TAF5L: variants seen among roughly 807,000 people sequenced by gnomAD.
The protein encoded by TAF5L is TATA-box binding protein associated factor 5 like.
A neutral mutation model predicts 51.3 loss-of-function variants in TAF5L; 7 were observed. The observed-to-expected ratio is 0.14, with a 90% CI of 0.08 to 0.26. The LOEUF (loss-of-function observed/expected upper bound fraction) is 0.26, where lower values mean the gene tolerates loss of function less well. Among genes scored for constraint, TAF5L ranks in the 10% least tolerant of loss-of-function variants. TAF5L has a pLI of 1.00. For synonymous variants in TAF5L, 291 were observed against 308.1 expected (o/e 0.94, Z 0.58); for missense variants, 575 against 758.9 (o/e 0.76, Z 2.85).
exon 2 of TAF5L, chr1:229,614,400 G>A (rs778008907): frequency 6.2e-7 from 1 of 1,614,188 alleles, no homozygotes; most frequent in South Asian, 1.1e-5. Context: ...TTGCTTCAGG[G>A]GACCATCTGA....
At chr1:229,601,558 C>T (rs1268212454) in intron 4 of TAF5L, 14 of 985,566 alleles carry the variant, frequency 1.4e-5, no homozygotes, top group African/African-American at 1.7e-5. Flanking sequence ...ACAAGCCAAA[C>T]AAGATTGAAC....
chr1:229,622,097 A>ATG (rs1479957948), intron 1 of TAF5L, among the ~76,000 whole-genome samples: 1 of 152,096 alleles, frequency 6.6e-6, no homozygotes, highest in Non-Finnish European at 1.5e-5. Flanking sequence ...ATATACAGAT[A>ATG]TGTGTGTGTA....
At chr1:229,608,154 T>G (rs2102754055) in intron 3 of TAF5L, among the ~76,000 whole-genome samples, 1 of 152,324 alleles carries the variant, frequency 6.6e-6, no homozygotes. Flanking sequence ...TTATCCTAGT[T>G]TTACCTGGCC....
At chr1:229,614,730 T>TA (rs1335069073) in intron 1 of TAF5L, among the ~76,000 whole-genome samples, 1 of 152,156 alleles carries the variant, frequency 6.6e-6, no homozygotes, top group African/African-American at 2.4e-5. Flanking sequence ...GCATCGATAA[T>TA]AAAGTCCTTA....
At position 229,620,401 on chromosome 1, in the gene TAF5L, C is replaced by A. The variant is rs12081882; in HGVS notation, c.-4+5484G>T. Among the ~76,000 whole-genome samples, 875 of 152,350 alleles carry A rather than the reference C, an allele frequency of 5.7e-3. 6 individuals are homozygous for A. Among genetic ancestry groups the A allele is most frequent in the African/African-American group, 0.02 (828 of 41,580 alleles). ...ACTGGACTATTCCAATATTCTTCCA[C>A]CTTTAGGCCCTCCTCATATGGCCCT... On this transcript the variant is annotated intron_variant, in intron 1 of 4. Coordinates refer to ENST00000258281, the Ensembl canonical transcript of TAF5L.
At chr1:229,606,743 A>G in intron 3 of TAF5L, 1 of 985,420 alleles carries the variant, frequency 1.0e-6, no homozygotes, top group Non-Finnish European at 1.2e-6. Context: ...GATCATGTTT[A>G]AGAGTCACAG....
chr1:229,624,543 TG>T (rs1485223938), intron 1 of TAF5L, among the ~76,000 whole-genome samples: 1 of 152,130 alleles, frequency 6.6e-6, no homozygotes, highest in Non-Finnish European at 1.5e-5. Flanking sequence ...TTTGGGAGGC[TG>T]AGGCGGGAGG....
intron 4 of TAF5L, chr1:229,600,623 A>G (rs1664337598): frequency 1.0e-6 from 1 of 985,312 alleles, no homozygotes. Context: ...GTGTCACTAC[A>G]TCACTTCCTG....
In TAF5L at chr1:229,620,512, C is replaced by G. The variant is rs537538044; in HGVS notation, c.-4+5373G>C. On this transcript the variant is annotated intron_variant, in intron 1 of 4. Coordinates refer to ENST00000258281, the Ensembl canonical transcript of TAF5L. ...CCAACCCTCATGCAGGTTGTCCCCTCTTGCCATCACTCTTCCTCAGTTCCC... is the reference window on the plus strand; with the variant it reads ...CCAACCCTCATGCAGGTTGTCCCCTGTTGCCATCACTCTTCCTCAGTTCCC... Among the ~76,000 whole-genome samples, 82 of 152,352 alleles carry G rather than the reference C, an allele frequency of 5.4e-4. 1 individual carries two copies. In the South Asian group the frequency reaches 0.016, roughly 29 times the overall value.
At chr1:229,620,357 C>A (rs768578) in intron 1 of TAF5L, among the ~76,000 whole-genome samples, 20,586 of 152,204 alleles carry the variant, frequency 0.14, 2,127 homozygotes, top group East Asian at 0.42. Context: ...CTATGCCCGA[C>A]TCTACAAATC....
In TAF5L at chr1:229,594,248, C is replaced by T. The variant is rs1664028624; in HGVS notation, c.*49G>A. ...ATCTCAGCTCATTGAAGGATTGCAA[C>T]TGGAGGCTTTCCACTGTTACCCCAG... On this transcript the variant is annotated 3_prime_UTR_variant, in exon 5 of 5. Coordinates refer to ENST00000258281, the Ensembl canonical transcript of TAF5L. This position sits in a 1 kb window ranked among gnomAD's most constrained non-coding sequence, Gnocchi z 7.9. The T allele has an allele frequency of 6.5e-7, 1 of 1,547,974 alleles. No homozygotes were observed. Among genetic ancestry groups the T allele is most frequent in the Non-Finnish European group, 8.8e-7 (1 of 1,142,184 alleles).
At chr1:229,624,121 A>T (rs1052563741) in intron 1 of TAF5L, among the ~76,000 whole-genome samples, 7 of 152,340 alleles carry the variant, frequency 4.6e-5, no homozygotes, top group African/African-American at 1.4e-4. Context: ...TTCTTTCCCC[A>T]GAGATGTCCT....
At chr1:229,599,140 CAAAGGTTAACCTAG>C in intron 4 of TAF5L, 1 of 569,608 alleles carries the variant, frequency 1.8e-6, no homozygotes, top group Non-Finnish European at 2.2e-6. Flanking sequence ...AACACCTTTC[CAAAGGTTAACCTAG>C]ATGATCTTTA....
chr1:229,608,987 G>A (rs1335227573), intron 3 of TAF5L, among the ~76,000 whole-genome samples: 1 of 152,168 alleles, frequency 6.6e-6, no homozygotes, highest in Admixed American at 6.5e-5. Flanking sequence ...CTGGGCAACA[G>A]AACAATACCG....
intron 4 of TAF5L, chr1:229,599,754 G>T: frequency 1.1e-6 from 1 of 914,612 alleles, no homozygotes; most frequent in Non-Finnish European, 1.3e-6. Context: ...TCATGTACAA[G>T]TGCCTGTGTG....
At chr1:229,606,409 A>T in intron 3 of TAF5L, 1 of 984,320 alleles carries the variant, frequency 1.0e-6, no homozygotes, top group Non-Finnish European at 1.2e-6. Flanking sequence ...AAATGTAATG[A>T]ATGCCTACCT....
chr1:229,625,710 G>A lies in TAF5L; in HGVS notation c.-4+175C>T, dbSNP rs1665428789. Among the ~76,000 whole-genome samples, 3 of 146,218 alleles carry A rather than the reference G, an allele frequency of 2.1e-5. No homozygotes were observed. Among genetic ancestry groups the A allele is most frequent in the Admixed American group, 1.4e-4 (2 of 14,792 alleles). The stretch of plus-strand genomic sequence containing the variant: ...GGGCGGAGGCGCGGCCGTCGCGCCC[G>A]CGCAGAGCCGCCCGCCGCCCCCCAG... On this transcript the variant is annotated intron_variant, in intron 1 of 4. Transcript: ENST00000258281. This position sits in a 1 kb window ranked among gnomAD's most constrained non-coding sequence, Gnocchi z 4.0.
chr1:229,600,126 T>C lies in TAF5L; in HGVS notation c.972+2069A>G, dbSNP rs191532836. The C allele has an allele frequency of 1.8e-3, 1,768 of 985,138 alleles. 6 individuals carry two copies. Among genetic ancestry groups the C allele is most frequent in the South Asian group, 0.013 (277 of 21,280 alleles). The allele number at this position is 985,138 out of a possible 1,614,324, so 61.0% of individuals were successfully genotyped here. A position where few individuals can be genotyped will look rare whatever the true frequency, so the allele number is the denominator to read the frequency against. ...GCATTCTATAAGGGAAAAAGAAAAG[T>C]CCAAATTTTCACTGGAGAAACATTA... On this transcript the variant is annotated intron_variant, in intron 4 of 4. Transcript: ENST00000258281.
At chr1:229,601,274 TTTAA>T (rs1432457237) in intron 4 of TAF5L, 2 of 985,284 alleles carry the variant, frequency 2.0e-6, no homozygotes, top group African/African-American at 3.5e-5. Flanking sequence ...TTAACTGTAA[TTTAA>T]TTAGAGTGAT....
Sources: allele counts gnomAD v4.1 joint callset (sites outside exome capture counted in the v4.1 genomes callset), GRCh38; gene constraint gnomAD v4.1.1; non-coding constraint Gnocchi (gnomAD v3.1); transcripts MANE v1.5; gene names NCBI Gene and HGNC (gene_info 2026-07-23, HGNC 2026-07-21).